Variants in IL1RAPL1 observed in about 807,000 individuals in gnomAD.
IL1RAPL1 encodes the protein interleukin-1 receptor accessory protein-like 1.
IL1RAPL1 carries 3 observed loss-of-function variants against 48.4 expected under a neutral mutation model. The observed-to-expected ratio is 0.06, with a 90% CI of 0.03 to 0.16. IL1RAPL1 has a LOEUF of 0.16. Among genes scored for constraint, IL1RAPL1 ranks in the 10% least tolerant of loss-of-function variants. The probability of loss-of-function intolerance (pLI) is 1.00; values close to 1 mark genes in which losing one functional copy is unlikely to be tolerated. For missense variants in IL1RAPL1, 349 were observed against 530.6 expected (o/e 0.66, Z 3.36); for synonymous variants, 185 against 187.7 (o/e 0.99, Z 0.12).
At chrX:28,946,728 T>A (rs1165192896) in intron 2 of IL1RAPL1, among the ~76,000 whole-genome samples, 1 of 111,239 alleles carries the variant, frequency 9.0e-6, no homozygotes, top group African/African-American at 3.3e-5. Flanking sequence ...GGGTTTCCAC[T>A]CTCAATTTCT....
At chrX:29,864,190 A>T (rs932859599) in intron 6 of IL1RAPL1, among the ~76,000 whole-genome samples, 9 of 112,682 alleles carry the variant, frequency 8.0e-5, no homozygotes, top group Non-Finnish European at 1.7e-4. Context: ...CACTTTGAGA[A>T]CTACTGACTT....
intron 2 of IL1RAPL1, among the ~76,000 whole-genome samples, chrX:28,971,890 GT>G (rs1925083288): frequency 9.4e-6 from 1 of 106,219 alleles, no homozygotes; most frequent in Non-Finnish European, 1.9e-5. Context: ...GTGTGTGTGT[GT>G]GTGTGTGTGT....
chrX:29,749,463 G>A (rs1928407477), intron 6 of IL1RAPL1, among the ~76,000 whole-genome samples: 1 of 111,969 alleles, frequency 8.9e-6, no homozygotes, highest in Non-Finnish European at 1.9e-5. Flanking sequence ...TTGAAATGAT[G>A]TATGAGTTAA....
intron 5 of IL1RAPL1, among the ~76,000 whole-genome samples, chrX:29,596,884 T>G (rs1923566359): frequency 8.9e-6 from 1 of 111,997 alleles, no homozygotes; most frequent in Admixed American, 9.5e-5. Context: ...AGATTGCTTT[T>G]ATTACCTTAA....
chrX:29,600,844 C>A (rs997353393), intron 5 of IL1RAPL1, among the ~76,000 whole-genome samples: 1 of 110,914 alleles, frequency 9.0e-6, no homozygotes, highest in African/African-American at 3.3e-5. Context: ...CCAGAGAAGT[C>A]AGGAAAAGCA....
At chrX:29,236,278 G>A in intron 2 of IL1RAPL1, among the ~76,000 whole-genome samples, 1 of 111,637 alleles carries the variant, frequency 9.0e-6, no homozygotes, top group East Asian at 2.8e-4. Flanking sequence ...ACTTCTTTAT[G>A]ACCTTATTGA....
chrX:28,955,761 G>A (rs1164146280), intron 2 of IL1RAPL1, among the ~76,000 whole-genome samples: 5 of 101,193 alleles, frequency 4.9e-5, no homozygotes, highest in Non-Finnish European at 8.0e-5. Flanking sequence ...TTGGTGATGC[G>A]GGCTCTTTTT....
intron 1 of IL1RAPL1, among the ~76,000 whole-genome samples, chrX:28,623,680 C>T (rs899555799): frequency 4.5e-5 from 5 of 111,995 alleles, no homozygotes; most frequent in Non-Finnish European, 3.8e-5. Context: ...AAACCTTGAA[C>T]ATCTGGCTTT....
intron 1 of IL1RAPL1, among the ~76,000 whole-genome samples, chrX:28,727,639 T>C (rs1248779868): frequency 1.9e-5 from 2 of 104,408 alleles, no homozygotes; most frequent in Admixed American, 1.1e-4. Flanking sequence ...GCTTCCAGTT[T>C]TTGCCCATTC....
At chrX:29,407,080 T>G (rs1934081986) in intron 5 of IL1RAPL1, among the ~76,000 whole-genome samples, 1 of 111,984 alleles carries the variant, frequency 8.9e-6, no homozygotes, top group African/African-American at 3.2e-5. Context: ...ATATTTTTAC[T>G]TATTTCTTTT....
At chrX:28,642,865 A>T (rs1052374374) in intron 1 of IL1RAPL1, among the ~76,000 whole-genome samples, 1 of 111,413 alleles carries the variant, frequency 9.0e-6, no homozygotes, top group Admixed American at 9.5e-5. Flanking sequence ...TAAAAAATCA[A>T]TGAATCCAGG....
At chrX:29,117,525 G>C (rs761429836) in intron 2 of IL1RAPL1, among the ~76,000 whole-genome samples, 1 of 112,082 alleles carries the variant, frequency 8.9e-6, no homozygotes, top group South Asian at 3.6e-4. Flanking sequence ...TTTTCTGTAC[G>C]TGTTTTTAAA....
In IL1RAPL1 at chrX:29,437,688, T is replaced by C. The variant is rs754376445; in HGVS notation, c.703+38380T>C. Among the ~76,000 whole-genome samples, 3 of 111,007 alleles carry C rather than the reference T, an allele frequency of 2.7e-5. No homozygotes were observed. The South Asian group carries it at 1.1e-3, about 41-fold the overall frequency. On this transcript the variant is annotated intron_variant, in intron 5 of 10. Transcript: ENST00000378993. ...TCTGTATTAATTGATAATAATCATG[T>C]GATTTTTCTTTAGTCTGTTAATATG... is the stretch of plus-strand genomic sequence containing the variant.
chrX:29,424,843 T>C (rs1474597048), intron 5 of IL1RAPL1, among the ~76,000 whole-genome samples: 1 of 111,893 alleles, frequency 8.9e-6, no homozygotes, highest in Non-Finnish European at 1.9e-5. Context: ...ATGTTGACAT[T>C]ATGAAGGAAC....
At chrX:29,084,032 G>T (rs1362357657) in intron 2 of IL1RAPL1, among the ~76,000 whole-genome samples, 1 of 111,245 alleles carries the variant, frequency 9.0e-6, no homozygotes, top group Admixed American at 9.6e-5. Flanking sequence ...AAAGGGATGG[G>T]CGCATCACTG....
intron 1 of IL1RAPL1, among the ~76,000 whole-genome samples, chrX:28,664,952 A>C (rs1424022247): frequency 8.9e-6 from 1 of 111,855 alleles, no homozygotes; most frequent in East Asian, 2.8e-4. Flanking sequence ...CATGTAGGTA[A>C]AGCTATATGC....
intron 1 of IL1RAPL1, among the ~76,000 whole-genome samples, chrX:28,704,661 A>G (rs1479089978): frequency 9.2e-6 from 1 of 108,266 alleles, no homozygotes; most frequent in Non-Finnish European, 1.9e-5. Context: ...TGTAATGGAG[A>G]GTGGCTAGAT....
chrX:29,802,787 GTGTGTATA>G (rs1324407553), intron 6 of IL1RAPL1, among the ~76,000 whole-genome samples: 3 of 25,546 alleles, frequency 1.2e-4, no homozygotes, highest in African/African-American at 4.2e-4. Context: ...ATATATGTGT[GTGTGTATA>G]TATATATATA....
chrX:29,860,786 TCTTTGCTATTGTGAA>T (rs1342467417), intron 6 of IL1RAPL1, among the ~76,000 whole-genome samples: 1 of 112,383 alleles, frequency 8.9e-6, no homozygotes, highest in Non-Finnish European at 1.9e-5. Flanking sequence ...TGGCTCCAAG[TCTTTGCTATTGTGAA>T]CAGTGCCACA....
Sources: allele counts gnomAD v4.1 joint callset (sites outside exome capture counted in the v4.1 genomes callset), GRCh38; gene constraint gnomAD v4.1.1; transcripts MANE v1.5; gene names NCBI Gene and HGNC (gene_info 2026-07-23, HGNC 2026-07-21).